Variants in WWOX observed in about 807,000 individuals in gnomAD.
WWOX encodes the protein WW domain-containing oxidoreductase.
WWOX carries 69 observed loss-of-function variants against 46.2 expected under a neutral mutation model. That is an observed-to-expected ratio of 1.49 (90% confidence interval 1.23 to 1.82). WWOX has a LOEUF of 1.82. Among genes scored for constraint, WWOX ranks in the 40% most tolerant of loss-of-function variants. The pLI is 0.00. For missense variants in WWOX, 919 were observed against 542.6 expected (o/e 1.69, Z -6.89); for synonymous variants, 359 against 202.6 (o/e 1.77, Z -6.56).
intron 8 of WWOX, among the ~76,000 whole-genome samples, chr16:78,694,944 A>G (rs922229578): frequency 2.0e-5 from 3 of 152,082 alleles, no homozygotes; most frequent in Admixed American, 6.6e-5. Context: ...TAACACATCT[A>G]TGAATATTTC....
intron 8 of WWOX, among the ~76,000 whole-genome samples, chr16:78,612,409 A>G (rs2045923101): frequency 6.6e-6 from 1 of 152,210 alleles, no homozygotes; most frequent in Admixed American, 6.5e-5. Flanking sequence ...TAGGCCTCAG[A>G]GTCAGGCATC....
At chr16:78,948,438 G>T (rs4887995) in intron 8 of WWOX, among the ~76,000 whole-genome samples, 1 of 151,916 alleles carries the variant, frequency 6.6e-6, no homozygotes, top group South Asian at 2.1e-4. Flanking sequence ...CCATTTTCTT[G>T]TGAGTGAGCC....
intron 8 of WWOX, among the ~76,000 whole-genome samples, chr16:78,583,768 C>T (rs1351995959): frequency 6.6e-6 from 1 of 152,214 alleles, no homozygotes; most frequent in African/African-American, 2.4e-5. Context: ...CATGGAAAAT[C>T]AGGAGCCAAG....
chr16:79,005,435 A>T (rs2047171777), intron 8 of WWOX, among the ~76,000 whole-genome samples: 2 of 152,218 alleles, frequency 1.3e-5, no homozygotes, highest in South Asian at 4.1e-4. Flanking sequence ...GGCTTCAGTC[A>T]GCAGAACTGT....
At chr16:79,086,045 G>T (rs527582704) in intron 8 of WWOX, among the ~76,000 whole-genome samples, 1 of 147,724 alleles carries the variant, frequency 6.8e-6, no homozygotes, top group Admixed American at 6.8e-5. Flanking sequence ...GCACTTCAAC[G>T]TGGGCAACAG....
At position 78,343,420 on chromosome 16, in the gene WWOX, G is replaced by C. The variant is rs879754948; in HGVS notation, c.517-43440G>C. On this transcript the variant is annotated intron_variant, in intron 5 of 8. Transcript: ENST00000566780. ...ATTCTCAATCAATCACTGATGGCCA[G>C]CTGTCAACAGGCACCATTTTTGGTG... Among the ~76,000 whole-genome samples, 2 of 121,040 alleles carry C rather than the reference G, an allele frequency of 1.7e-5. 1 individual carries two copies. Among genetic ancestry groups the C allele is most frequent in the Non-Finnish European group, 3.9e-5 (2 of 50,692 alleles). The allele number at this position is 121,040 out of a possible 152,430, so 79.4% of individuals were successfully genotyped here. A position where few individuals can be genotyped will look rare whatever the true frequency, so the allele number is the denominator to read the frequency against.
At chr16:78,500,916 T>G (rs772817228) in intron 8 of WWOX, among the ~76,000 whole-genome samples, 4 of 152,184 alleles carry the variant, frequency 2.6e-5, no homozygotes, top group Non-Finnish European at 5.9e-5. Context: ...AGTGTGTCTC[T>G]TTCTCTGGAC....
In WWOX at chr16:78,533,581, T is replaced by C. The variant is rs149376701; in HGVS notation, c.1056+100829T>C. 9.2e-5 allele frequency among the ~76,000 whole-genome samples: 14 copies of C among 152,282 alleles called. No homozygotes were observed. The East Asian group carries it at 2.5e-3, about 27-fold the overall frequency. On this transcript the variant is annotated intron_variant, in intron 8 of 8. Transcript: ENST00000566780. ...GGGGCTTGAGCATTTGAAAGACTTCTAGTGGGAGAGATCACAAGGTACAAC... is the reference window on the plus strand; with the variant it reads ...GGGGCTTGAGCATTTGAAAGACTTCCAGTGGGAGAGATCACAAGGTACAAC...
At chr16:79,061,135 A>G (rs150314650) in intron 8 of WWOX, among the ~76,000 whole-genome samples, 1 of 152,134 alleles carries the variant, frequency 6.6e-6, no homozygotes, top group Non-Finnish European at 1.5e-5. Flanking sequence ...CAGTCTCTCA[A>G]TCCTTTATGT....
chr16:78,749,221 T>C (rs182738876), intron 8 of WWOX, among the ~76,000 whole-genome samples: 1 of 152,226 alleles, frequency 6.6e-6, no homozygotes, highest in East Asian at 1.9e-4. Flanking sequence ...CAGACTACTG[T>C]TTAACCACCT....
At chr16:78,380,529 A>T (rs1597133290) in intron 5 of WWOX, among the ~76,000 whole-genome samples, 2 of 152,108 alleles carry the variant, frequency 1.3e-5, no homozygotes, top group Admixed American at 1.3e-4. Flanking sequence ...AGAGTGAAGC[A>T]CTGCACTCTT....
chr16:78,295,622 A>G (rs923631276), intron 5 of WWOX, among the ~76,000 whole-genome samples: 3 of 152,184 alleles, frequency 2.0e-5, no homozygotes, highest in Non-Finnish European at 4.4e-5. Flanking sequence ...GAGATGGGAG[A>G]ATCGCTTGAA....
chr16:78,323,076 A>G lies in WWOX; in HGVS notation c.517-63784A>G, dbSNP rs554300200. Among the ~76,000 whole-genome samples the G allele has an allele frequency of 8.5e-5, 13 of 152,184 alleles. 1 individual carries two copies. In the South Asian group the frequency reaches 2.7e-3, roughly 32 times the overall value. ...AAAATAAAACAGGCGTTCCTTACCT[A>G]CAGCCTGCTATGATTTGGGGTTCTT... On this transcript the variant is annotated intron_variant, in intron 5 of 8. Transcript: ENST00000566780.
intron 8 of WWOX, among the ~76,000 whole-genome samples, chr16:78,884,289 AAAAAC>A (rs1399130230): frequency 2.7e-5 from 4 of 150,138 alleles, no homozygotes; most frequent in East Asian, 2.0e-4. Context: ...AAAAAAAAAA[AAAAAC>A]AAAAGACCAT....
At chr16:78,948,001 G>C (rs1215536881) in intron 8 of WWOX, among the ~76,000 whole-genome samples, 1 of 152,222 alleles carries the variant, frequency 6.6e-6, no homozygotes, top group East Asian at 1.9e-4. Flanking sequence ...GTCAAAGGCA[G>C]AGGGAGGAAG....
intron 8 of WWOX, among the ~76,000 whole-genome samples, chr16:78,556,111 C>G (rs940106898): frequency 6.6e-6 from 1 of 151,944 alleles, no homozygotes; most frequent in Non-Finnish European, 1.5e-5. Context: ...CCTAGAGGGT[C>G]AATTAGAGAC....
Position 79,035,489 on chromosome 16 carries a change from T to A in WWOX, c.1057-176119T>A, listed in dbSNP as rs147352115. Among the ~76,000 whole-genome samples, 615 of 152,234 alleles carry A rather than the reference T, an allele frequency of 4.0e-3. 19 individuals are homozygous for A. The highest frequency in any genetic ancestry group is 0.037 in the Admixed American group (562 of 15,284). The stretch of plus-strand genomic sequence containing the variant: ...GTACTCCGGCTGCTCCTTTAATATT[T>A]TATGATTAGCAGTAGAGGTGTGTCT... On this transcript the variant is annotated intron_variant, in intron 8 of 8. Coordinates refer to ENST00000566780, the MANE Select transcript of WWOX (RefSeq NM_016373.4).
chr16:78,746,759 T>C (rs1158135486), intron 8 of WWOX, among the ~76,000 whole-genome samples: 2 of 152,102 alleles, frequency 1.3e-5, no homozygotes, highest in Admixed American at 6.6e-5. Flanking sequence ...ATCTGACTTA[T>C]ACCCTGGAGC....
intron 8 of WWOX, among the ~76,000 whole-genome samples, chr16:78,651,812 C>A (rs913525639): frequency 6.6e-6 from 1 of 152,194 alleles, no homozygotes; most frequent in African/African-American, 2.4e-5. Flanking sequence ...TGGCTTCTAA[C>A]AAACTGATTG....
Sources: gnomAD v4.1 joint callset for allele counts (sites outside exome capture counted in the v4.1 genomes callset) on GRCh38, gnomAD v4.1.1 for gene constraint, MANE v1.5 for transcripts, NCBI Gene and HGNC (gene_info 2026-07-23, HGNC 2026-07-21) for gene names.